Variants in BIRC6 observed in about 807,000 individuals in gnomAD.
BIRC6 encodes dual E2 ubiquitin-conjugating enzyme/E3 ubiquitin-protein ligase BIRC6.
In BIRC6, 98 loss-of-function variants were observed where a neutral mutation model predicts 503.3. That is an observed-to-expected ratio of 0.19 (90% CI 0.17 to 0.23). The LOEUF is 0.23. BIRC6 is among the 10% of genes least tolerant of loss of function. The probability of loss-of-function intolerance (pLI) is 1.00; values close to 1 mark genes in which losing one functional copy is unlikely to be tolerated. For missense variants in BIRC6, 5,360 were observed against 5,806.0 expected (o/e 0.92, Z 2.50); for synonymous variants, 2,240 against 2,078.7 (o/e 1.08, Z -2.11).
At chr2:32,436,888 T>G (rs796671148) in intron 15 of BIRC6, among the ~76,000 whole-genome samples, 21 of 990 alleles carry the variant, frequency 0.021, no homozygotes, top group Admixed American at 0.11. Context: ...TGTTTTTTCT[T>G]TTTTTTTTTT....
intron 73 of BIRC6, among the ~76,000 whole-genome samples, chr2:32,616,344 G>C (rs1301646844): frequency 1.3e-5 from 2 of 151,430 alleles, no homozygotes; most frequent in African/African-American, 4.9e-5. Flanking sequence ...GATTGCTTGA[G>C]ATTAGGAGTT....
chr2:32,580,220 C>G (rs1012915713), intron 66 of BIRC6, among the ~76,000 whole-genome samples: 3 of 152,146 alleles, frequency 2.0e-5, no homozygotes, highest in African/African-American at 7.2e-5. Context: ...TCCCAAAGTT[C>G]TGGGAGTACA....
intron 23 of BIRC6, among the ~76,000 whole-genome samples, chr2:32,454,486 T>TG (rs2047030890): frequency 1.3e-5 from 2 of 152,026 alleles, no homozygotes; most frequent in Non-Finnish European, 2.9e-5. Context: ...GTGATTTTTT[T>TG]TTTCCTTCTC....
intron 58 of BIRC6, among the ~76,000 whole-genome samples, chr2:32,525,244 T>C (rs2056160181): frequency 6.6e-6 from 1 of 152,242 alleles, no homozygotes; most frequent in African/African-American, 2.4e-5. Context: ...CTACAGTTTT[T>C]ACTTTTTAGG....
At chr2:32,430,273 A>C (rs1278144900) in intron 11 of BIRC6, among the ~76,000 whole-genome samples, 3 of 152,218 alleles carry the variant, frequency 2.0e-5, no homozygotes, top group Non-Finnish European at 4.4e-5. Flanking sequence ...ATACATGTAT[A>C]GCATTTGTAA....
intron 70 of BIRC6, chr2:32,602,725 T>C: frequency 5.8e-6 from 2 of 342,748 alleles, no homozygotes; most frequent in South Asian, 9.1e-5. Flanking sequence ...AAAAATGTTT[T>C]GCTTTTTAAA....
intron 10 of BIRC6, among the ~76,000 whole-genome samples, chr2:32,426,469 G>C (rs939982999): frequency 6.6e-6 from 1 of 152,328 alleles, no homozygotes; most frequent in East Asian, 1.9e-4. Context: ...CGGGTGTGGT[G>C]GTGGGCACCT....
chr2:32,366,156 C>T (rs1403083634), intron 1 of BIRC6, among the ~76,000 whole-genome samples: 3 of 152,206 alleles, frequency 2.0e-5, no homozygotes, highest in Admixed American at 6.6e-5. Context: ...CAGGCATGAG[C>T]CACCATGCCC....
At chr2:32,563,444 A>G (rs972720806) in intron 65 of BIRC6, 10 of 152,194 alleles carry the variant, frequency 6.6e-5, no homozygotes, top group Admixed American at 5.9e-4. Flanking sequence ...CTCAAGTTGA[A>G]AAGAGGCTAC....
chr2:32,586,924 T>A (rs1212680718), intron 66 of BIRC6, among the ~76,000 whole-genome samples: 1 of 152,240 alleles, frequency 6.6e-6, no homozygotes, highest in East Asian at 1.9e-4. Flanking sequence ...AGTTCTCTGA[T>A]GGTTAGTGAC....
At chr2:32,439,228 A>G (rs2045124749) in intron 15 of BIRC6, among the ~76,000 whole-genome samples, 2 of 152,144 alleles carry the variant, frequency 1.3e-5, no homozygotes, top group African/African-American at 4.8e-5. Context: ...CATTTTTACC[A>G]TTAAAATGAA....
At chr2:32,381,074 A>G (rs1408530724) in intron 3 of BIRC6, among the ~76,000 whole-genome samples, 2 of 152,194 alleles carry the variant, frequency 1.3e-5, no homozygotes, top group Admixed American at 1.3e-4. Flanking sequence ...GGCCTTTTCT[A>G]AGTTATACTG....
At chr2:32,464,849 G>C (rs1272917376) in intron 25 of BIRC6, 26 bp downstream of exon 25, 1 of 1,557,666 alleles carries the variant, frequency 6.4e-7, no homozygotes, top group African/African-American at 1.4e-5. Context: ...AATAGGTGTT[G>C]GCTTAGACAT....
intron 65 of BIRC6, among the ~76,000 whole-genome samples, chr2:32,560,442 C>T: frequency 6.6e-6 from 1 of 152,064 alleles, no homozygotes; most frequent in East Asian, 1.9e-4. Flanking sequence ...TCCCAGTTGG[C>T]CTCTCCTAAT....
At chr2:32,382,950 C>T (rs1340154875) in intron 3 of BIRC6, among the ~76,000 whole-genome samples, 8 of 152,026 alleles carry the variant, frequency 5.3e-5, no homozygotes, top group African/African-American at 1.9e-4. Context: ...TCTCGAACTC[C>T]TGACCTCATG....
Position 32,611,601 on chromosome 2 carries a change from C to T in BIRC6, c.14394+19C>T, listed in dbSNP as rs1042803300. ...TCTCAAGGTGAGTAAGCCTCTCTAA[C>T]AGGAGCCTTGTTGCTTTAAGAGTTG... On this transcript the variant is annotated intron_variant, in intron 73 of 73. Coordinates refer to ENST00000421745, the MANE Select transcript of BIRC6 (RefSeq NM_016252.4). 6.5e-7 allele frequency: 1 copy of T among 1,533,850 alleles called. No individual in the cohort carries two copies.
intron 72 of BIRC6, among the ~76,000 whole-genome samples, chr2:32,609,670 A>T (rs999467788): frequency 6.6e-6 from 1 of 151,760 alleles, no homozygotes; most frequent in African/African-American, 2.4e-5. Context: ...TGTCCTTTGA[A>T]TGACAAAGTT....
At chr2:32,605,390 AAT>A (rs1383710576) in intron 71 of BIRC6, among the ~76,000 whole-genome samples, 1 of 152,224 alleles carries the variant, frequency 6.6e-6, no homozygotes, top group Non-Finnish European at 1.5e-5. Context: ...GATGAGGTTA[AAT>A]AAATAAAAGA....
chr2:32,521,513 C>T (rs960219134), intron 57 of BIRC6, among the ~76,000 whole-genome samples: 1 of 151,696 alleles, frequency 6.6e-6, no homozygotes, highest in Non-Finnish European at 1.5e-5. Context: ...ACTCTGTCCC[C>T]CAGGCTGTGC....
Sources: allele counts gnomAD v4.1 joint callset (sites outside exome capture counted in the v4.1 genomes callset), GRCh38; gene constraint gnomAD v4.1.1; transcripts MANE v1.5; gene names NCBI Gene and HGNC (gene_info 2026-07-23, HGNC 2026-07-21).